C2orf78: variants seen among roughly 807,000 people sequenced by gnomAD.
C2orf78 encodes uncharacterized protein C2orf78.
A neutral mutation model predicts 21.4 loss-of-function variants in C2orf78; 12 were observed. The observed-to-expected ratio is 0.56, with a 90% CI of 0.36 to 0.91. The LOEUF (loss-of-function observed/expected upper bound fraction) is 0.91. Ranked by LOEUF, C2orf78 falls within the 40% of genes least tolerant of loss-of-function variation. C2orf78 has a pLI of 0.01. For missense variants in C2orf78, 1,042 were observed against 1,092.4 expected, an observed-to-expected ratio of 0.95 and a Z score of 0.65; for synonymous variants, 396 against 413.9, an observed-to-expected ratio of 0.96 and a Z score of 0.52.
rs191200355 is a variant in C2orf78, at chr2:73,785,775, G to A, written c.97+1369G>A. ...GAAATATGTTTTAGAGGCCAGGCTC[G>A]GTGGCTTACACCTGTAATCCCAGCA... On this transcript the variant is annotated intron_variant, in intron 1 of 2. Coordinates refer to ENST00000409561, the Ensembl canonical transcript of C2orf78. 9.2e-5 allele frequency among the ~76,000 whole-genome samples: 14 copies of A among 152,066 alleles called. No homozygotes were observed. The East Asian group carries it at 2.5e-3, about 27-fold the overall frequency.
chr2:73,786,358 G>A (rs1238235332), intron 1 of C2orf78, among the ~76,000 whole-genome samples: 5 of 149,486 alleles, frequency 3.3e-5, no homozygotes, highest in Admixed American at 2.7e-4. Context: ...CAGCCTAGGC[G>A]ACAGAGCGAG....
At chr2:73,809,564 CG>C (rs1673029349) in intron 1 of C2orf78, among the ~76,000 whole-genome samples, 1 of 151,854 alleles carries the variant, frequency 6.6e-6, no homozygotes. Context: ...GTGGGAGGAT[CG>C]CTTTGGGCCT....
At chr2:73,810,751 TTA>T (rs1491306270) in intron 1 of C2orf78, among the ~76,000 whole-genome samples, 2 of 131,944 alleles carry the variant, frequency 1.5e-5, no homozygotes, top group Admixed American at 8.4e-5. Context: ...CATGTATATT[TTA>T]TGTATATATA....
intron 1 of C2orf78, among the ~76,000 whole-genome samples, chr2:73,808,171 G>T (rs1355305559): frequency 6.7e-6 from 1 of 150,320 alleles, no homozygotes; most frequent in African/African-American, 2.5e-5. Flanking sequence ...GGAGAATGGC[G>T]TGAACCTGGG....
intron 1 of C2orf78, among the ~76,000 whole-genome samples, chr2:73,798,251 C>T (rs1573195087): frequency 9.1e-6 from 1 of 110,012 alleles, no homozygotes; most frequent in East Asian, 2.5e-4. Flanking sequence ...GTCAGGTGAT[C>T]GAGACCATCC....
exon 3 of C2orf78, chr2:73,815,134 G>A (rs1367725325): frequency 5.0e-6 from 8 of 1,613,824 alleles, no homozygotes; most frequent in South Asian, 1.1e-5. Context: ...CAGACATTTT[G>A]TCTGCCACAA....
At chr2:73,806,821 A>C (rs1198491983) in intron 1 of C2orf78, among the ~76,000 whole-genome samples, 3 of 98,974 alleles carry the variant, frequency 3.0e-5, no homozygotes, top group Admixed American at 2.9e-4. Flanking sequence ...ATAAAACAAA[A>C]TGGAAAAAAT....
intron 1 of C2orf78, among the ~76,000 whole-genome samples, chr2:73,809,819 G>A (rs1673038517): frequency 1.3e-5 from 2 of 152,100 alleles, no homozygotes; most frequent in African/African-American, 4.8e-5. Context: ...TAATATTCAT[G>A]TTTTGGACAT....
intron 1 of C2orf78, among the ~76,000 whole-genome samples, chr2:73,811,933 T>C (rs1673098123): frequency 6.6e-6 from 1 of 152,184 alleles, no homozygotes; most frequent in African/African-American, 2.4e-5. Context: ...TCCTTTACAC[T>C]TATTTTTTGC....
In C2orf78 at chr2:73,809,142, C is replaced by A. The variant is rs550573143; in HGVS notation, c.98-4335C>A. 1.2e-4 allele frequency among the ~76,000 whole-genome samples: 18 copies of A among 152,190 alleles called. 1 individual carries two copies. The South Asian group carries it at 3.3e-3, about 28-fold the overall frequency. Reference sequence around the variant, plus strand: ...ACACTAGGATAATAGACTGGTTATTCCCCCTGGCCTTTTTCTTTTCTAATA... The same window carrying A: ...ACACTAGGATAATAGACTGGTTATTACCCCTGGCCTTTTTCTTTTCTAATA... On this transcript the variant is annotated intron_variant, in intron 1 of 2. Coordinates refer to ENST00000409561, the Ensembl canonical transcript of C2orf78.
chr2:73,808,743 T>C (rs1438185991), intron 1 of C2orf78: 5 of 1,518,340 alleles, frequency 3.3e-6, no homozygotes, highest in Non-Finnish European at 4.4e-6. Context: ...GCCTGTAAAT[T>C]TGTATCATCA....
exon 2 of C2orf78, chr2:73,813,807 G>A (rs750821279): frequency 4.3e-6 from 7 of 1,614,018 alleles, no homozygotes; most frequent in South Asian, 1.1e-5. Context: ...TCCTCACTCA[G>A]GGACTTCACT....
chr2:73,813,331 A>G, intron 1 of C2orf78, 146 bp from the exon 2 acceptor site: 2 of 809,648 alleles, frequency 2.5e-6, no homozygotes, highest in South Asian at 1.9e-5. Flanking sequence ...CAAGGCCATC[A>G]TAAACTGTTT....
intron 1 of C2orf78, among the ~76,000 whole-genome samples, chr2:73,808,051 C>T (rs1379752302): frequency 6.6e-6 from 1 of 150,796 alleles, no homozygotes; most frequent in Non-Finnish European, 1.5e-5. Context: ...GTCAGGTGAT[C>T]GAACCATCCT....
At chr2:73,811,687 CA>C (rs1673092595) in intron 1 of C2orf78, among the ~76,000 whole-genome samples, 2 of 152,030 alleles carry the variant, frequency 1.3e-5, no homozygotes. Context: ...ACATTCAAAA[CA>C]TTTTTTAATT....
chr2:73,815,271 C>T lies in C2orf78; in HGVS notation c.1048C>T (p.Pro350Ser), dbSNP rs749880464. 116 of 1,613,858 alleles carry T rather than the reference C, an allele frequency of 7.2e-5. 2 individuals carry two copies. The Admixed American group carries it at 1.8e-3, about 25-fold the overall frequency. Residue 350 changes from proline to serine, a missense_variant, in exon 3 of 3, where the codon CCA (proline) becomes TCA (serine). By Grantham distance (74) the Pro-to-Ser change is moderately conservative. This residue lies in a region of C2orf78 where 1,039 missense variants were observed against 1,069.7 expected (regional missense o/e 0.97). Coordinates refer to ENST00000409561, the Ensembl canonical transcript of C2orf78. ...TCCTACTAATCTCTTGACACTGTCT[C>T]CAGCTCCAAGCCAGGAAAAAAATGA...
chr2:73,810,715 TATAAAATATACATAC>T (rs1673068196), intron 1 of C2orf78, among the ~76,000 whole-genome samples: 2 of 132,492 alleles, frequency 1.5e-5, no homozygotes, highest in Non-Finnish European at 3.1e-5. Flanking sequence ...ATAATATACA[TATAAAATATACATAC>T]ATAAAATATA....
intron 1 of C2orf78, among the ~76,000 whole-genome samples, chr2:73,808,376 G>T (rs1280618016): frequency 2.6e-5 from 4 of 151,144 alleles, no homozygotes; most frequent in South Asian, 2.1e-4. Flanking sequence ...CAAGGATATT[G>T]TGTATGTACT....
At chr2:73,808,635 T>G (rs2103975667) in intron 1 of C2orf78, 1 of 162,464 alleles carries the variant, frequency 6.2e-6, no homozygotes, top group Non-Finnish European at 1.3e-5. Context: ...CTGACCTCCC[T>G]ATTGGCTATC....
Sources: gnomAD v4.1 joint callset for allele counts (sites outside exome capture counted in the v4.1 genomes callset) on GRCh38, gnomAD v4.1.1 for gene constraint, gnomAD v4.1.1 regional missense constraint, MANE v1.5 for transcripts, NCBI Gene and HGNC (gene_info 2026-07-23, HGNC 2026-07-21) for gene names.